Variants in PLEKHG5 observed in about 807,000 individuals in gnomAD.
PLEKHG5 encodes the protein pleckstrin homology and RhoGEF domain containing G5.
A neutral mutation model predicts 103.8 loss-of-function variants in PLEKHG5; 52 were observed. The observed-to-expected ratio is 0.50, with a 90% CI of 0.40 to 0.63. The LOEUF (loss-of-function observed/expected upper bound fraction) is 0.63, where lower values mean the gene tolerates loss of function less well. Ranked by LOEUF, PLEKHG5 falls within the 30% of genes least tolerant of loss-of-function variation. The pLI, the probability that PLEKHG5 is intolerant of heterozygous loss-of-function variation, is 0.00. For synonymous variants in PLEKHG5, 592 were observed against 575.5 expected (o/e 1.03, Z -0.41); for missense variants, 1,205 against 1,347.6 (o/e 0.89, Z 1.66).
Position 6,501,984 on chromosome 1 carries a change from A to G in PLEKHG5, c.-164-5415T>C, listed in dbSNP as rs188566416. 9.1e-3 allele frequency among the ~76,000 whole-genome samples: 1,382 copies of G among 152,282 alleles called. 20 individuals carry two copies. The highest frequency in any genetic ancestry group is 0.031 in the African/African-American group (1,309 of 41,564). ...CGACCTCCCAACCACAGGCCTGGCC[A>G]TGCAAAGGCTGCCCCTCTCAGGAAG... On this transcript the variant is annotated intron_variant, in intron 1 of 21. Coordinates refer to the PLEKHG5 transcript ENST00000377740. The surrounding 1 kb of genome is among the most constrained non-coding windows in gnomAD (Gnocchi z 4.3).
In PLEKHG5 at chr1:6,477,663, G is replaced by T; in HGVS notation, c.-87-5C>A. On this transcript the variant is annotated splice_region_variant and splice_polypyrimidine_tract_variant and intron_variant, in intron 1 of 20. Coordinates refer to ENST00000377728, the MANE Select transcript of PLEKHG5 (RefSeq NM_020631.6). Reference sequence around the variant, plus strand: ...GCAGTCGGCGTGGTGACATACCTGGGGTGGGGACAGAAGCCTTCAGGAGGT... The same window carrying T: ...GCAGTCGGCGTGGTGACATACCTGGTGTGGGGACAGAAGCCTTCAGGAGGT... The T allele has an allele frequency of 4.4e-6, 7 of 1,602,352 alleles. No individual in the cohort carries two copies. Among genetic ancestry groups the T allele is most frequent in the Non-Finnish European group, 5.9e-6 (7 of 1,179,832 alleles).
chr1:6,468,347 A>T lies in PLEKHG5; in HGVS notation c.2489T>A (p.Phe830Tyr). 6.2e-7 allele frequency: 1 copy of T among 1,609,352 alleles called. No individual in the cohort carries two copies. ...CTCTGCCATTGGGCCTGGGGCCACA[A>T]AGTCTTGTAAGGAGGTTGGGGAGAG... ...GTLSPTSLQD[F>Y]VAPGPMAELV... The change falls in exon 20 of 21, where the codon TTT (phenylalanine) becomes TAT (tyrosine). Residue 830 changes from phenylalanine to tyrosine, a missense_variant. Coordinates refer to ENST00000377728, the MANE Select transcript of PLEKHG5 (RefSeq NM_020631.6).
chr1:6,492,414 G>C (rs570939803), upstream of PLEKHG5, among the ~76,000 whole-genome samples: 3 of 152,296 alleles, frequency 2.0e-5, no homozygotes, highest in East Asian at 5.8e-4. Context: ...CCTCACAGGA[G>C]GGCAGGGGGA....
intron 1 of PLEKHG5, among the ~76,000 whole-genome samples, chr1:6,514,705 G>A (rs1031641026): frequency 9.2e-5 from 14 of 151,436 alleles, no homozygotes; most frequent in Admixed American, 2.0e-4. Flanking sequence ...AGGTTGCAGC[G>A]AGCCGAGATC....
intron 12 of PLEKHG5, 165 bp downstream of exon 12, chr1:6,471,323 C>G: frequency 1.1e-6 from 1 of 887,012 alleles, no homozygotes; most frequent in Non-Finnish European, 1.7e-6. Context: ...GGCTCAAACC[C>G]GGGCGACCGC....
rs773624292 is a variant in PLEKHG5 at position 6,474,094 on chromosome 1, C to T, written c.510G>A (p.Pro170=). Residue 170 remains proline (P), a synonymous_variant, in exon 7 of 21, where the codon CCG becomes CCA. Transcript: ENST00000377728. The part of the protein sequence containing the change: ...GMKDSKSLSL[P]ILRPAGTGPP... ...GCCCGGTCCCAGCTGGCCGCAGAAT[C>T]GGCAAACTCAGGGACTTGGAGTCCT... is the stretch of plus-strand genomic sequence containing the variant. 7.5e-5 allele frequency: 121 copies of T among 1,613,026 alleles called. 1 individual carries two copies. The Admixed American group carries it at 1.6e-3, about 22-fold the overall frequency.
chr1:6,478,047 AT>A (rs559604077), intron 1 of PLEKHG5, among the ~76,000 whole-genome samples: 2 of 147,674 alleles, frequency 1.4e-5, no homozygotes, highest in Non-Finnish European at 3.0e-5. Flanking sequence ...TGCCCAGCTA[AT>A]TTTTTTTTTG....
chr1:6,499,609 A>C (rs1265302134), upstream of PLEKHG5, among the ~76,000 whole-genome samples: 6 of 152,104 alleles, frequency 3.9e-5, no homozygotes, highest in African/African-American at 9.7e-5. Context: ...CAGGGCCCAG[A>C]GTGGGGCCTG....
intron 1 of PLEKHG5, among the ~76,000 whole-genome samples, chr1:6,506,478 C>T (rs1298249578): frequency 6.6e-6 from 1 of 152,214 alleles, no homozygotes; most frequent in African/African-American, 2.4e-5. Flanking sequence ...CGACAGAGGC[C>T]CGGAAAAGAG....
intron 7 of PLEKHG5, among the ~76,000 whole-genome samples, 171 bp from the exon 8 acceptor site, chr1:6,473,625 C>G (rs1287459219): frequency 6.6e-6 from 1 of 152,148 alleles, no homozygotes; most frequent in Non-Finnish European, 1.5e-5. Context: ...ACTGGAAGGT[C>G]CAGACACAGA....
At chr1:6,493,525 C>T (rs1457220094), upstream of PLEKHG5, among the ~76,000 whole-genome samples, 2 of 152,190 alleles carry the variant, frequency 1.3e-5, no homozygotes, top group South Asian at 4.1e-4. Flanking sequence ...CGTTTCCTTA[C>T]AAGTCATGTG....
At chr1:6,518,137 T>C (rs1226556509) in intron 1 of PLEKHG5, among the ~76,000 whole-genome samples, 1 of 151,510 alleles carries the variant, frequency 6.6e-6, no homozygotes, top group East Asian at 2.0e-4. Flanking sequence ...TTTCACCATG[T>C]TAGCCAGGAT....
chr1:6,479,186 T>C (rs1644838172), intron 1 of PLEKHG5, among the ~76,000 whole-genome samples: 1 of 152,186 alleles, frequency 6.6e-6, no homozygotes. Flanking sequence ...TATATTGACA[T>C]TTTCCCAAGT....
intron 1 of PLEKHG5, among the ~76,000 whole-genome samples, chr1:6,510,092 C>G (rs1220568467): frequency 6.6e-6 from 1 of 152,178 alleles, no homozygotes; most frequent in Non-Finnish European, 1.5e-5. Flanking sequence ...CCGCCATGCC[C>G]AGTTCTAGCT....
In PLEKHG5 at chr1:6,487,455, C is replaced by A. The variant is rs934559851; in HGVS notation, c.-88+4182G>T. Reference sequence around the variant, plus strand: ...TTGAAAACTAAAACTTCCCATCTTGCTTATAGTGAAATCCCACCATGGCCG... The same window carrying A: ...TTGAAAACTAAAACTTCCCATCTTGATTATAGTGAAATCCCACCATGGCCG... On this transcript the variant is annotated intron_variant, in intron 1 of 20. Transcript: ENST00000377728. The surrounding 1 kb of genome is among the most constrained non-coding windows in gnomAD (Gnocchi z 4.1). Among the ~76,000 whole-genome samples the A allele has an allele frequency of 1.3e-5, 2 of 152,206 alleles. No individual in the cohort carries two copies. The highest frequency in any genetic ancestry group is 4.8e-5 in the African/African-American group (2 of 41,440).
Position 6,487,078 on chromosome 1 carries a change from C to T in PLEKHG5, c.-88+4559G>A, listed in dbSNP as rs760014762. Among the ~76,000 whole-genome samples, 26 of 152,172 alleles carry T rather than the reference C, an allele frequency of 1.7e-4. No homozygotes were observed. Among genetic ancestry groups the T allele is most frequent in the Non-Finnish European group, 3.5e-4 (24 of 67,986 alleles). On this transcript the variant is annotated intron_variant, in intron 1 of 20. Coordinates refer to ENST00000377728, the MANE Select transcript of PLEKHG5 (RefSeq NM_020631.6). This position sits in a 1 kb window ranked among gnomAD's most constrained non-coding sequence, Gnocchi z 4.1. ...GTCTCCACTCCCAAAGCCCAGGTCACCCACTGTCTACACCACAGGCAGAGT... is the reference window on the plus strand; with the variant it reads ...GTCTCCACTCCCAAAGCCCAGGTCATCCACTGTCTACACCACAGGCAGAGT...
In PLEKHG5 at chr1:6,467,331, GAGT is replaced by G; in HGVS notation, c.*229_*231del. ...CTCGAGCTGAGCTGGTAACTTCGGG[GAGT>G]AGGTGACGAGGGGCTGCCTGGGCAG... On this transcript the variant is annotated 3_prime_UTR_variant, in exon 21 of 21. Transcript: ENST00000377728. 1.6e-6 allele frequency: 1 copy of G among 640,466 alleles called. No homozygotes were observed. The highest frequency in any genetic ancestry group is 2.9e-6 in the Non-Finnish European group (1 of 350,860). 39.7% of individuals were successfully genotyped at this position (640,466 alleles called of 1,614,324 possible).
Position 6,469,049 on chromosome 1 carries a change from G to C in PLEKHG5, c.2242C>G (p.Gln748Glu). 6.2e-7 allele frequency: 1 copy of C among 1,613,318 alleles called. No homozygotes were observed. Among genetic ancestry groups the C allele is most frequent in the Non-Finnish European group, 8.5e-7 (1 of 1,179,746 alleles). Reference sequence around the variant, plus strand: ...GGTCATGAGCAGACGTACCAGTGCTGAGAGTCGGGGCTGCCGCTGCTTTTC... The same window carrying C: ...GGTCATGAGCAGACGTACCAGTGCTCAGAGTCGGGGCTGCCGCTGCTTTTC... Reference protein sequence around the residue: ...MRKSSGSPDSQHCASDGSTET... With the variant: ...MRKSSGSPDSEHCASDGSTET... Residue 748 changes from glutamine (Q) to glutamate (E), a missense_variant, in exon 19 of 21, where the codon CAG becomes GAG. Transcript: ENST00000377728.
At position 6,475,990 on chromosome 1, in the gene PLEKHG5, G is replaced by A. The variant is rs1468521391; in HGVS notation, c.90C>T (p.Arg30=). 3.1e-6 allele frequency: 5 copies of A among 1,613,750 alleles called. No homozygotes were observed. Among genetic ancestry groups the A allele is most frequent in the Non-Finnish European group, 4.2e-6 (5 of 1,180,038 alleles). Residue 30 remains arginine (R), a synonymous_variant, in exon 3 of 21, where the codon CGC becomes CGT. Transcript: ENST00000377728. ...RNVSTRSCPP[R]TSPAVDLEEE... The stretch of plus-strand genomic sequence containing the variant: ...CCTCCAAGTCCACTGCGGGGCTGGT[G>A]CGCGGCGGGCATGACCGGGTGGACA...
Sources: gnomAD v4.1 joint callset for allele counts (sites outside exome capture counted in the v4.1 genomes callset) on GRCh38, gnomAD v4.1.1 for gene constraint, Gnocchi (gnomAD v3.1) non-coding constraint, MANE v1.5 for transcripts, NCBI Gene and HGNC (gene_info 2026-07-23, HGNC 2026-07-21) for gene names.